Variants in HTR1F observed in about 807,000 individuals in gnomAD.
The protein encoded by HTR1F is 5-hydroxytryptamine receptor 1F, also known as 5-hydroxytryptamine (serotonin) receptor 1F, G protein-coupled.
HTR1F carries 17 observed loss-of-function variants against 24.0 expected under a neutral mutation model. The ratio of observed to expected loss-of-function variants is 0.71; its 90% confidence interval spans 0.48 to 1.06. The LOEUF is 1.06. Ranked by LOEUF, HTR1F falls within the 50% of genes least tolerant of loss-of-function variation. HTR1F has a pLI of 0.00. For missense variants in HTR1F, 391 were observed against 427.8 expected, an observed-to-expected ratio of 0.91 and a Z score of 0.76; for synonymous variants, 186 against 156.8, an observed-to-expected ratio of 1.19 and a Z score of -1.39.
chr3:87,960,037 A>T (rs1705027617), intron 2 of HTR1F, among the ~76,000 whole-genome samples: 1 of 151,944 alleles, frequency 6.6e-6, no homozygotes, highest in Admixed American at 6.6e-5. Flanking sequence ...TCTCATCTTG[A>T]TCCTTAAAAA....
At chr3:87,896,243 A>G (rs545990430) in intron 2 of HTR1F, among the ~76,000 whole-genome samples, 1 of 152,294 alleles carries the variant, frequency 6.6e-6, no homozygotes, top group East Asian at 1.9e-4. Context: ...TGCATACACC[A>G]ATAGTCATAG....
intron 2 of HTR1F, among the ~76,000 whole-genome samples, chr3:87,941,842 C>CA (rs1704576772): frequency 6.6e-6 from 1 of 152,072 alleles, no homozygotes; most frequent in Non-Finnish European, 1.5e-5. Flanking sequence ...CACTGATAAT[C>CA]CTGAGATCTT....
rs376368065 is a variant in HTR1F, at chr3:87,991,542, G to A, written c.793G>A (p.Val265Met). ...STDFDKIHST[V>M]RSLRSEFKHE... is the part of the protein sequence containing the mutation. ...AGACTTTGATAAAATTCATAGCACA[G>A]TGAGAAGTCTCAGGTCTGAATTCAA... Residue 265 changes from valine (V) to methionine (M), a missense_variant, in exon 3 of 3, where the codon GTG becomes ATG. By Grantham distance (21) the Val-to-Met change is conservative. Transcript: ENST00000319595. 1.9e-6 allele frequency: 3 copies of A among 1,613,254 alleles called. No individual in the cohort carries two copies. Among genetic ancestry groups the A allele is most frequent in the East Asian group, 4.5e-5 (2 of 44,888 alleles).
rs1458821471 is a variant in HTR1F at position 87,989,135 on chromosome 3, T to TA, written c.-42-1566dup. Among the ~76,000 whole-genome samples, 4 of 152,260 alleles carry TA rather than the reference T, an allele frequency of 2.6e-5. No homozygotes were observed. The South Asian group carries it at 6.2e-4, about 24-fold the overall frequency. On this transcript the variant is annotated intron_variant, in intron 2 of 2. Transcript: ENST00000319595. ...GTTATTAGAGAGAAGAGGATTGATT[T>TA]AAAAAAATGCTATTTATCAAAGATA...
At chr3:87,814,699 G>A (rs1704219789) in intron 1 of HTR1F, among the ~76,000 whole-genome samples, 1 of 152,092 alleles carries the variant, frequency 6.6e-6, no homozygotes, top group African/African-American at 2.4e-5. Flanking sequence ...AAACATGAAT[G>A]TATGTGGTAT....
chr3:87,793,964 T>C (rs986757228), intron 1 of HTR1F, among the ~76,000 whole-genome samples: 1 of 96,456 alleles, frequency 1.0e-5, no homozygotes, highest in African/African-American at 3.8e-5. Context: ...GTGGATATGC[T>C]ATGCCAAAAA....
At chr3:87,878,081 T>C (rs1475870743) in intron 2 of HTR1F, among the ~76,000 whole-genome samples, 1 of 152,122 alleles carries the variant, frequency 6.6e-6, no homozygotes, top group Non-Finnish European at 1.5e-5. Context: ...TGAGAATGGA[T>C]TAAGTTTAAA....
intron 2 of HTR1F, among the ~76,000 whole-genome samples, chr3:87,964,001 A>T (rs888130476): frequency 2.6e-5 from 4 of 152,124 alleles, no homozygotes; most frequent in African/African-American, 9.7e-5. Context: ...AACTTTCTCC[A>T]ATCCAAGCCA....
At chr3:87,811,716 A>G (rs1192986189) in intron 1 of HTR1F, among the ~76,000 whole-genome samples, 1 of 152,192 alleles carries the variant, frequency 6.6e-6, no homozygotes, top group Non-Finnish European at 1.5e-5. Flanking sequence ...AGCTATCTTC[A>G]TGAAGTCACT....
intron 2 of HTR1F, among the ~76,000 whole-genome samples, chr3:87,839,156 C>A (rs1704747398): frequency 6.6e-6 from 1 of 151,268 alleles, no homozygotes; most frequent in Non-Finnish European, 1.5e-5. Flanking sequence ...TGTCATGGAG[C>A]TTTTCTGTAT....
intron 2 of HTR1F, among the ~76,000 whole-genome samples, chr3:87,876,152 T>C (rs568412877): frequency 6.6e-6 from 1 of 152,280 alleles, no homozygotes; most frequent in South Asian, 2.1e-4. Flanking sequence ...GTGCTGATCA[T>C]GGGCGTATAA....
chr3:87,873,997 T>C (rs1705615149), intron 2 of HTR1F, among the ~76,000 whole-genome samples: 1 of 152,116 alleles, frequency 6.6e-6, no homozygotes. Flanking sequence ...AAGCCATATA[T>C]GAGAAGCCCA....
intron 2 of HTR1F, among the ~76,000 whole-genome samples, chr3:87,940,892 C>A (rs1211861996): frequency 1.3e-5 from 2 of 152,218 alleles, no homozygotes; most frequent in African/African-American, 2.4e-5. Context: ...GATGTCCACA[C>A]AGTAAGATCT....
At chr3:87,809,806 T>C (rs1203364390) in intron 1 of HTR1F, among the ~76,000 whole-genome samples, 2 of 152,094 alleles carry the variant, frequency 1.3e-5, no homozygotes, top group East Asian at 3.9e-4. Flanking sequence ...ATTTACTTTA[T>C]TTTATTAAAT....
At chr3:87,844,996 T>C (rs1704906999) in intron 2 of HTR1F, among the ~76,000 whole-genome samples, 1 of 151,390 alleles carries the variant, frequency 6.6e-6, no homozygotes, top group Non-Finnish European at 1.5e-5. Flanking sequence ...TTTTGGCTTG[T>C]ATAGATGCAG....
At chr3:87,938,583 A>C (rs1704484806) in intron 2 of HTR1F, among the ~76,000 whole-genome samples, 1 of 152,184 alleles carries the variant, frequency 6.6e-6, no homozygotes, top group East Asian at 1.9e-4. Context: ...ACTGGTACAA[A>C]AACTGACACA....
At chr3:87,796,032 G>A (rs1176768751) in intron 1 of HTR1F, among the ~76,000 whole-genome samples, 1 of 152,198 alleles carries the variant, frequency 6.6e-6, no homozygotes, top group Non-Finnish European at 1.5e-5. Flanking sequence ...ATTTCAGCAG[G>A]AAACTGTTTC....
chr3:87,876,430 C>G (rs1001817442), intron 2 of HTR1F, among the ~76,000 whole-genome samples: 1 of 152,100 alleles, frequency 6.6e-6, no homozygotes, highest in African/African-American at 2.4e-5. Context: ...GAATATTATT[C>G]AGTCTTAAAA....
At chr3:87,798,904 T>G (rs117401807) in intron 1 of HTR1F, among the ~76,000 whole-genome samples, 1 of 152,340 alleles carries the variant, frequency 6.6e-6, no homozygotes, top group East Asian at 1.9e-4. Flanking sequence ...TTTTACTTCT[T>G]CATTCGTTTG....
Sources: allele counts gnomAD v4.1 joint callset (sites outside exome capture counted in the v4.1 genomes callset), GRCh38; gene constraint gnomAD v4.1.1; transcripts MANE v1.5; gene names NCBI Gene and HGNC (gene_info 2026-07-23, HGNC 2026-07-21).